DCAF10: variants seen among roughly 807,000 people sequenced by gnomAD.
The protein encoded by DCAF10 is DDB1 and CUL4 associated factor 10.
Under a neutral mutation model 51.9 loss-of-function variants are expected in DCAF10, and 19 were observed. The ratio of observed to expected loss-of-function variants is 0.37; its 90% CI spans 0.26 to 0.54. The LOEUF is 0.54. DCAF10 is among the 20% of genes least tolerant of loss of function. DCAF10 has a pLI of 0.87. For missense variants in DCAF10, 510 were observed against 730.6 expected (o/e 0.70, Z 3.48); for synonymous variants, 291 against 297.1 (o/e 0.98, Z 0.21).
At position 37,865,614 on chromosome 9, in the gene DCAF10, G is replaced by A. The variant is rs1831121574; in HGVS notation, c.*4106G>A. ...GTTTTCCGCAGAACAGTGCATTTATGGCAATGCTATGTTTAATGAGTTAGG... is the reference window on the plus strand; with the variant it reads ...GTTTTCCGCAGAACAGTGCATTTATAGCAATGCTATGTTTAATGAGTTAGG... On this transcript the variant is annotated 3_prime_UTR_variant, in exon 7 of 7. Coordinates refer to ENST00000377724, the MANE Select transcript of DCAF10 (RefSeq NM_024345.5). 6.6e-6 allele frequency: 1 copy of A among 152,124 alleles called. No homozygotes were observed. Among genetic ancestry groups the A allele is most frequent in the African/African-American group, 2.4e-5 (1 of 41,428 alleles). 9.4% of individuals were successfully genotyped at this position (152,124 alleles called of 1,614,324 possible).
intron 3 of DCAF10, among the ~76,000 whole-genome samples, chr9:37,850,829 TA>T (rs1830615764): frequency 1.3e-3 from 89 of 67,800 alleles, no homozygotes; most frequent in Non-Finnish European, 2.0e-3. Context: ...ATATATTTTA[TA>T]TATATATATA....
intron 2 of DCAF10, among the ~76,000 whole-genome samples, chr9:37,822,863 G>C (rs1038024775): frequency 6.6e-6 from 1 of 152,184 alleles, no homozygotes. Flanking sequence ...AGCAACTTGA[G>C]AGGCTGAGGC....
rs770292432 is a variant in DCAF10, at chr9:37,863,325, C to CAAAAAAAAAAAAAAAAAAAAA, written c.*1821_*1841dup. The CAAAAAAAAAAAAAAAAAAAAA allele has an allele frequency of 1.7e-5, 1 of 57,426 alleles. No individual in the cohort carries two copies. Among genetic ancestry groups the CAAAAAAAAAAAAAAAAAAAAA allele is most frequent in the African/African-American group, 6.1e-5 (1 of 16,428 alleles). 3.6% of individuals were successfully genotyped at this position (57,426 alleles called of 1,614,324 possible). On this transcript the variant is annotated 3_prime_UTR_variant, in exon 7 of 7. Coordinates refer to ENST00000377724, the MANE Select transcript of DCAF10 (RefSeq NM_024345.5). ...TAGGCGACAGAGCGAGACTCTGTCT[C>CAAAAAAAAAAAAAAAAAAAAA]AAAAAAAAAAAAAAAAAAAAAAAAT...
At chr9:37,810,531 G>A (rs891373713) in intron 1 of DCAF10, among the ~76,000 whole-genome samples, 1 of 151,598 alleles carries the variant, frequency 6.6e-6, no homozygotes, top group African/African-American at 2.4e-5. Flanking sequence ...GCGCAATCTT[G>A]GCTCATTGCA....
chr9:37,801,060 C>A lies in DCAF10; in HGVS notation c.194C>A (p.Ala65Asp), dbSNP rs1403129126. 2 of 1,532,858 alleles carry A rather than the reference C, an allele frequency of 1.3e-6. No homozygotes were observed. The highest frequency in any genetic ancestry group is 1.9e-5 in the Admixed American group (1 of 52,156). 95.0% of individuals were successfully genotyped at this position (1,532,858 alleles called of 1,614,324 possible). A position where few individuals can be genotyped will look rare whatever the true frequency, so the allele number is the denominator to read the frequency against. ...CCCGGCGCCCCATCGCTGTCCCCGG[C>A]CCCGCGCTCCGGAGAGCTAGGGCTG... ...RRPGAPSLSP[A>D]PRSGELGLPG... is the part of the protein sequence containing the mutation. Residue 65 changes from alanine to aspartate, a missense_variant, in exon 1 of 7, where the codon GCC (alanine) becomes GAC (aspartate). By Grantham distance (126) the Ala-to-Asp change is moderately radical. Transcript: ENST00000377724. This position sits in a 1 kb window ranked among gnomAD's most constrained non-coding sequence, Gnocchi z 5.5.
In DCAF10 at chr9:37,840,161, A is replaced by C. The variant is rs141739753; in HGVS notation, c.654-1928A>C. 4.6e-5 allele frequency among the ~76,000 whole-genome samples: 7 copies of C among 152,340 alleles called. No homozygotes were observed. In the East Asian group the frequency reaches 1.3e-3, roughly 29 times the overall value. The stretch of plus-strand genomic sequence containing the variant: ...CATTTCAGTGAGTGACACCATATAC[A>C]ACAGTGGTTCCAGAAGATTATAATG... On this transcript the variant is annotated intron_variant, in intron 2 of 6. Transcript: ENST00000377724.
chr9:37,842,009 A>C (rs1830350550), intron 2 of DCAF10, 80 bp from the exon 3 acceptor site: 1 of 1,357,238 alleles, frequency 7.4e-7, no homozygotes, highest in South Asian at 1.4e-5. Flanking sequence ...TGACTAGGTA[A>C]TATAGTGACT....
Position 37,821,675 on chromosome 9 carries a change from A to T in DCAF10, c.653+2274A>T, listed in dbSNP as rs139226284. ...TAAACCTAAGACCTGAAACTATAATAAAAAAAACCCTTCTAGACATTGGCT... is the reference window on the plus strand; with the variant it reads ...TAAACCTAAGACCTGAAACTATAATTAAAAAAACCCTTCTAGACATTGGCT... On this transcript the variant is annotated intron_variant, in intron 2 of 6. Transcript: ENST00000377724. Among the ~76,000 whole-genome samples the T allele has an allele frequency of 2.8e-3, 433 of 152,060 alleles. 3 individuals are homozygous for T. The highest frequency in any genetic ancestry group is 9.8e-3 in the African/African-American group (406 of 41,516).
chr9:37,808,015 A>G (rs535299385), intron 1 of DCAF10, among the ~76,000 whole-genome samples: 6 of 152,270 alleles, frequency 3.9e-5, no homozygotes, highest in African/African-American at 1.2e-4. Context: ...CAGCCGCTTC[A>G]TCCTTATATT....
intron 1 of DCAF10, among the ~76,000 whole-genome samples, chr9:37,807,848 G>C (rs983224164): frequency 6.6e-6 from 1 of 151,962 alleles, no homozygotes; most frequent in Admixed American, 6.6e-5. Context: ...TTTTAGTAGA[G>C]ATGAGGTTTC....
intron 1 of DCAF10, among the ~76,000 whole-genome samples, chr9:37,808,886 A>G (rs1409316062): frequency 6.8e-6 from 1 of 147,076 alleles, no homozygotes; most frequent in African/African-American, 2.5e-5. Context: ...TGGAAAACTG[A>G]GGTGGGAGGA....
At chr9:37,819,156 A>G in intron 1 of DCAF10, 132 bp from the exon 2 acceptor site, 1 of 635,668 alleles carries the variant, frequency 1.6e-6, no homozygotes, top group Non-Finnish European at 2.7e-6. Context: ...TCAATCTTTT[A>G]AACATTTGCT....
At chr9:37,807,658 C>CTTTTT (rs5897701) in intron 1 of DCAF10, among the ~76,000 whole-genome samples, 452 of 72,410 alleles carry the variant, frequency 6.2e-3, no homozygotes, top group African/African-American at 9.0e-3. Flanking sequence ...CTTTTCTTTT[C>CTTTTT]TTTTTTTTTT....
rs763798331 is a variant in DCAF10, at chr9:37,819,411, A to G, written c.653+10A>G. 6.2e-7 allele frequency: 1 copy of G among 1,601,494 alleles called. No individual in the cohort carries two copies. Among genetic ancestry groups the G allele is most frequent in the Admixed American group, 1.7e-5 (1 of 58,362 alleles). ...GTGTAAATAATATCAGGTTAGTATT[A>G]TAGTGAAAAAGTGAACTTTATCAGT... On this transcript the variant is annotated intron_variant, in intron 2 of 6. Transcript: ENST00000377724.
intron 1 of DCAF10, 59 bp from the exon 2 acceptor site, chr9:37,819,229 C>A: frequency 1.5e-6 from 2 of 1,312,532 alleles, no homozygotes; most frequent in East Asian, 2.4e-5. Flanking sequence ...AATAAGTGAA[C>A]ATCAATAACC....
At chr9:37,849,864 T>A (rs543971150) in intron 3 of DCAF10, among the ~76,000 whole-genome samples, 47 of 151,924 alleles carry the variant, frequency 3.1e-4, no homozygotes, top group Non-Finnish European at 4.6e-4. Context: ...TGGGCAACAG[T>A]GCAAGACTCC....
At chr9:37,818,329 A>G (rs992203658) in intron 1 of DCAF10, among the ~76,000 whole-genome samples, 1 of 152,072 alleles carries the variant, frequency 6.6e-6, no homozygotes, top group African/African-American at 2.4e-5. Context: ...TTAATCTCCC[A>G]CTTTACCTAA....
chr9:37,820,689 A>G (rs897363226), intron 2 of DCAF10, among the ~76,000 whole-genome samples: 5 of 152,168 alleles, frequency 3.3e-5, no homozygotes, highest in Non-Finnish European at 5.9e-5. Context: ...GGGGGCCCAG[A>G]TGGCCAAGTG....
chr9:37,862,945 CTG>C lies in DCAF10; in HGVS notation c.*1439_*1440del, dbSNP rs1205118965. The C allele has an allele frequency of 6.6e-6, 1 of 152,144 alleles. No homozygotes were observed. Among genetic ancestry groups the C allele is most frequent in the Non-Finnish European group, 1.5e-5 (1 of 68,034 alleles). 9.4% of individuals were successfully genotyped at this position (152,144 alleles called of 1,614,324 possible). A position where few individuals can be genotyped will look rare whatever the true frequency, so the allele number is the denominator to read the frequency against. On this transcript the variant is annotated 3_prime_UTR_variant, in exon 7 of 7. Coordinates refer to ENST00000377724, the MANE Select transcript of DCAF10 (RefSeq NM_024345.5). Reference sequence around the variant, plus strand: ...ATTCAGCCAGGGGGAGGACAGGAATCTGTATTTTTCATAGCAACCTCAAGTAA... The same window carrying C: ...ATTCAGCCAGGGGGAGGACAGGAATCTATTTTTCATAGCAACCTCAAGTAA...
Sources: gnomAD v4.1 joint callset for allele counts (sites outside exome capture counted in the v4.1 genomes callset) on GRCh38, gnomAD v4.1.1 for gene constraint, Gnocchi (gnomAD v3.1) non-coding constraint, MANE v1.5 for transcripts, NCBI Gene and HGNC (gene_info 2026-07-23, HGNC 2026-07-21) for gene names.